The following TLK1 variants were observed in gnomAD, a reference collection of about 807,000 sequenced individuals.
The protein encoded by TLK1 is tousled like kinase 1, also known as serine/threonine-protein kinase tousled-like 1.
A neutral mutation model predicts 105.3 loss-of-function variants in TLK1; 24 were observed. The observed-to-expected ratio is 0.23, with a 90% CI of 0.17 to 0.32. The LOEUF is 0.32. Among genes scored for constraint, TLK1 ranks in the 10% least tolerant of loss-of-function variants. The pLI, the probability that TLK1 is intolerant of heterozygous loss-of-function variation, is 1.00. For missense variants in TLK1, 558 were observed against 910.5 expected (o/e 0.61, Z 4.98); for synonymous variants, 321 against 310.4 (o/e 1.03, Z -0.36).
intron 2 of TLK1, among the ~76,000 whole-genome samples, chr2:171,108,312 A>C (rs1243959349): frequency 6.6e-6 from 1 of 152,172 alleles, no homozygotes; most frequent in Non-Finnish European, 1.5e-5. Context: ...AGTTTGAGAG[A>C]GCATTTTTAG....
At chr2:171,083,017 A>G (rs1015072345) in intron 2 of TLK1, among the ~76,000 whole-genome samples, 165 bp from the exon 3 acceptor site, 1 of 152,206 alleles carries the variant, frequency 6.6e-6, no homozygotes, top group Non-Finnish European at 1.5e-5. Context: ...AAGAAATACT[A>G]AATTCTTAAC....
At chr2:171,133,992 T>C (rs981938375) in intron 1 of TLK1, among the ~76,000 whole-genome samples, 2 of 152,094 alleles carry the variant, frequency 1.3e-5, no homozygotes. Flanking sequence ...CCACCATACC[T>C]GGCTGTTTTT....
At chr2:171,175,735 C>T (rs1692809197) in intron 1 of TLK1, among the ~76,000 whole-genome samples, 1 of 152,098 alleles carries the variant, frequency 6.6e-6, no homozygotes, top group Admixed American at 6.6e-5. Flanking sequence ...CTTCTTAAAC[C>T]TCTGTCTTTA....
intron 1 of TLK1, among the ~76,000 whole-genome samples, chr2:171,137,176 G>T (rs775031257): frequency 1.3e-5 from 2 of 151,892 alleles, no homozygotes; most frequent in African/African-American, 2.4e-5. Context: ...ATAAAAATTA[G>T]CCAGGCAAGG....
At chr2:171,058,578 G>A (rs1319298183) in intron 4 of TLK1, among the ~76,000 whole-genome samples, 1 of 152,106 alleles carries the variant, frequency 6.6e-6, no homozygotes, top group Non-Finnish European at 1.5e-5. Context: ...CAATAGGAAT[G>A]TTATTTTGTA....
chr2:171,177,513 G>A (rs1692852334), intron 1 of TLK1, among the ~76,000 whole-genome samples: 1 of 152,174 alleles, frequency 6.6e-6, no homozygotes, highest in Admixed American at 6.5e-5. Flanking sequence ...AGAGACCTCG[G>A]CATACAGAAT....
chr2:171,154,202 A>T (rs1692149468), intron 1 of TLK1, among the ~76,000 whole-genome samples: 1 of 152,022 alleles, frequency 6.6e-6, no homozygotes, highest in Non-Finnish European at 1.5e-5. Context: ...ATATTCTCTT[A>T]AAAAAACAAA....
intron 1 of TLK1, among the ~76,000 whole-genome samples, chr2:171,154,989 T>C (rs575707328): frequency 6.6e-6 from 1 of 152,340 alleles, no homozygotes; most frequent in African/African-American, 2.4e-5. Flanking sequence ...TGAATTGTTA[T>C]AAGTAATGAT....
intron 1 of TLK1, among the ~76,000 whole-genome samples, chr2:171,132,325 C>T (rs553138492): frequency 3.4e-4 from 52 of 152,270 alleles, no homozygotes; most frequent in African/African-American, 1.2e-3. Context: ...TCACTTCCCA[C>T]CGAGTCCCTT....
intron 3 of TLK1, chr2:171,081,665 G>A (rs1688759328): frequency 5.4e-6 from 7 of 1,304,114 alleles, no homozygotes; most frequent in Non-Finnish European, 7.1e-6. Context: ...TGCAGATAAA[G>A]TCCCGTCACT....
chr2:171,019,459 A>C (rs1399553470), intron 12 of TLK1, among the ~76,000 whole-genome samples: 1 of 152,238 alleles, frequency 6.6e-6, no homozygotes, highest in Non-Finnish European at 1.5e-5. Context: ...GTAGGCATTA[A>C]AACTATAAGG....
chr2:171,013,318 CTTTTTTTTTTTTTTT>C lies in TLK1; in HGVS notation c.1334+1518_1334+1532del, dbSNP rs774923512. On this transcript the variant is annotated intron_variant, in intron 13 of 20. Coordinates refer to ENST00000431350, the MANE Select transcript of TLK1 (RefSeq NM_012290.5). ...ATGAGCTACCACACCTGGCCCCTCA[CTTTTTTTTTTTTTTT>C]TTTTTTTTTTTGGAGACAAAGTCTC... is the stretch of plus-strand genomic sequence containing the variant. 6.1e-4 allele frequency among the ~76,000 whole-genome samples: 45 copies of C among 74,152 alleles called. No homozygotes were observed. In the East Asian group the frequency reaches 0.013, roughly 22 times the overall value. 48.6% of individuals were successfully genotyped at this position (74,152 alleles called of 152,430 possible). A position where few individuals can be genotyped will look rare whatever the true frequency, so the allele number is the denominator to read the frequency against.
chr2:171,143,371 G>A (rs1447651558), intron 1 of TLK1, among the ~76,000 whole-genome samples: 1 of 151,730 alleles, frequency 6.6e-6, no homozygotes, highest in Non-Finnish European at 1.5e-5. Context: ...TGGGTGTGGT[G>A]GCACATGCCT....
At chr2:171,132,936 T>G (rs1429362753) in intron 1 of TLK1, among the ~76,000 whole-genome samples, 1 of 152,218 alleles carries the variant, frequency 6.6e-6, no homozygotes, top group East Asian at 1.9e-4. Context: ...ACGATTTCTT[T>G]ATTTGTAAAA....
chr2:171,119,914 A>T (rs1049955340), intron 1 of TLK1, among the ~76,000 whole-genome samples: 5 of 152,184 alleles, frequency 3.3e-5, no homozygotes, highest in Non-Finnish European at 7.3e-5. Flanking sequence ...GAATTTAGCA[A>T]TGGTTTCTTT....
chr2:171,154,822 G>A (rs927580686), intron 1 of TLK1, among the ~76,000 whole-genome samples: 3 of 152,116 alleles, frequency 2.0e-5, no homozygotes, highest in African/African-American at 7.2e-5. Flanking sequence ...AAATCCAAAT[G>A]CAACAAGTAC....
chr2:171,010,289 C>G (rs1449158130), intron 14 of TLK1, among the ~76,000 whole-genome samples: 1 of 151,946 alleles, frequency 6.6e-6, no homozygotes, highest in African/African-American at 2.4e-5. Flanking sequence ...CTTGAGGGAC[C>G]AGGCAGATGA....
intron 3 of TLK1, among the ~76,000 whole-genome samples, chr2:171,079,599 A>G (rs980989594): frequency 6.6e-6 from 1 of 152,230 alleles, no homozygotes; most frequent in Non-Finnish European, 1.5e-5. Flanking sequence ...AACAAAATCA[A>G]AACAATACCT....
At chr2:171,028,712 C>T (rs1037281040) in intron 11 of TLK1, among the ~76,000 whole-genome samples, 1 of 151,942 alleles carries the variant, frequency 6.6e-6, no homozygotes, top group African/African-American at 2.4e-5. Context: ...TAATGAGTAC[C>T]ATTTATCAAG....
Sources: allele counts gnomAD v4.1 joint callset (sites outside exome capture counted in the v4.1 genomes callset), GRCh38; gene constraint gnomAD v4.1.1; transcripts MANE v1.5; gene names NCBI Gene and HGNC (gene_info 2026-07-23, HGNC 2026-07-21).